The following MYO19 variants were observed in gnomAD, a reference collection of about 807,000 sequenced individuals.
The protein encoded by MYO19 is myosin XIX, also known as unconventional myosin-XIX.
A neutral mutation model predicts 129.2 loss-of-function variants in MYO19; 132 were observed. The observed-to-expected ratio is 1.02, with a 90% confidence interval of 0.89 to 1.18. The LOEUF is 1.18. MYO19 is among the 50% of genes most tolerant of loss of function. The pLI is 0.00. For synonymous variants in MYO19, 531 were observed against 477.2 expected, an observed-to-expected ratio of 1.11 and a Z score of -1.47; for missense variants, 1,210 against 1,216.7, an observed-to-expected ratio of 0.99 and a Z score of 0.08.
At chr17:36,507,601 G>T in intron 15 of MYO19, 89 bp from the exon 16 acceptor site, 1 of 1,410,114 alleles carries the variant, frequency 7.1e-7, no homozygotes, top group Non-Finnish European at 1.0e-6. Flanking sequence ...GTACCACAGC[G>T]TATTCCAGAA....
upstream of MYO19, chr17:36,537,673 T>C: frequency 2.3e-5 from 37 of 1,614,166 alleles, no homozygotes; most frequent in African/African-American, 2.7e-5. Flanking sequence ...AGAAAATATA[T>C]GGAAGGGTCC....
intron 1 of MYO19, 110 bp from the exon 2 acceptor site, chr17:36,534,214 G>A (rs756069079): frequency 1.3e-5 from 2 of 152,372 alleles, no homozygotes; most frequent in African/African-American, 4.8e-5. Context: ...AGGCATGGAG[G>A]ACAGTGGGAG....
At chr17:36,526,061 C>G (rs1462644598) in intron 5 of MYO19, among the ~76,000 whole-genome samples, 1 of 152,162 alleles carries the variant, frequency 6.6e-6, no homozygotes, top group African/African-American at 2.4e-5. Context: ...ATCACTTACC[C>G]ACAGCTTGCT....
At chr17:36,517,352 G>A (rs539589394) in intron 6 of MYO19, among the ~76,000 whole-genome samples, 15 of 152,168 alleles carry the variant, frequency 9.9e-5, no homozygotes, top group Middle Eastern at 3.4e-3. Context: ...CTCTGCCTCC[G>A]GGGTTCAAGT....
intron 9 of MYO19, 145 bp downstream of exon 9, chr17:36,514,301 G>A: frequency 1.5e-6 from 1 of 650,954 alleles, no homozygotes; most frequent in Non-Finnish European, 2.8e-6. Context: ...AGTGCTGCAT[G>A]TAAAGTCTGC....
chr17:36,541,014 A>C (rs1001333995), intron 2 of MYO19, among the ~76,000 whole-genome samples: 4 of 151,780 alleles, frequency 2.6e-5, no homozygotes, highest in African/African-American at 9.7e-5. Context: ...TTTGAGGCGC[A>C]GTCTTGCTCT....
At chr17:36,515,355 G>T (rs1007602306) in intron 7 of MYO19, among the ~76,000 whole-genome samples, 173 bp from the exon 8 acceptor site, 1 of 152,138 alleles carries the variant, frequency 6.6e-6, no homozygotes, top group Non-Finnish European at 1.5e-5. Context: ...TCATGCTTTA[G>T]CAAGTGGGAT....
At chr17:36,504,667 C>G (rs2142881070) in intron 19 of MYO19, 1 of 160,898 alleles carries the variant, frequency 6.2e-6, no homozygotes, top group Admixed American at 5.9e-5. Context: ...AATCCCAGCA[C>G]TTTGGGAGGC....
intron 19 of MYO19, chr17:36,505,044 A>T (rs2071783275): frequency 1.4e-6 from 1 of 706,302 alleles, no homozygotes; most frequent in African/African-American, 1.7e-5. Context: ...TCAGTCTCTC[A>T]TCAGGGTACA....
intron 3 of MYO19, 27 bp downstream of exon 3, chr17:36,532,500 C>G: frequency 6.4e-7 from 1 of 1,553,716 alleles, no homozygotes; most frequent in Non-Finnish European, 8.7e-7. Context: ...GCTTGAGGGC[C>G]TGGGTTATCT....
chr17:36,510,979 T>C (rs1039811794), intron 12 of MYO19, 62 bp from the exon 13 acceptor site: 3 of 1,496,518 alleles, frequency 2.0e-6, no homozygotes, highest in East Asian at 2.5e-5. Flanking sequence ...CACGAGGCAC[T>C]GTGAAGTCAT....
Position 36,507,389 on chromosome 17 carries a change from A to G in MYO19, c.1467+10T>C, listed in dbSNP as rs1300544742. 3.1e-6 allele frequency: 5 copies of G among 1,609,956 alleles called. 1 individual carries two copies. The South Asian group carries it at 3.3e-5, about 11-fold the overall frequency. On this transcript the variant is annotated intron_variant, in intron 16 of 25. Transcript: ENST00000614623. ...ACTCTGGTGCTCGGCTCATTAGCTG[A>G]CCTCCCCACCTCATTTATGAGGGAG...
upstream of MYO19, among the ~76,000 whole-genome samples, chr17:36,544,550 G>C (rs1599485603): frequency 6.6e-6 from 1 of 152,202 alleles, no homozygotes; most frequent in Non-Finnish European, 1.5e-5. Context: ...GAATCAGACG[G>C]GCTTGACTCG....
At position 36,515,893 on chromosome 17, in the gene MYO19, C is replaced by T. The variant is rs766570273; in HGVS notation, c.512G>A (p.Arg171Lys). Reference sequence around the variant, plus strand: ...CATGACAGGGTTGGAGTTCAGGATCCTCTGTTCTATCCTCTCTGCAATCTT... The same window carrying T: ...CATGACAGGGTTGGAGTTCAGGATCTTCTGTTCTATCCTCTCTGCAATCTT... ...SHKIAERIEQ[R>K]ILNSNPVMEA... The change falls in exon 7 of 26, where the codon AGG becomes AAG. Residue 171 changes from arginine to lysine, a missense_variant. Arg to Lys is a conservative substitution (Grantham distance 26, BLOSUM62 2). Coordinates refer to ENST00000614623, the MANE Select transcript of MYO19 (RefSeq NM_001163735.2). The T allele has an allele frequency of 2.5e-6, 4 of 1,613,690 alleles. No homozygotes were observed. Among genetic ancestry groups the T allele is most frequent in the Non-Finnish European group, 3.4e-6 (4 of 1,179,630 alleles).
At position 36,514,601 on chromosome 17, in the gene MYO19, T is replaced by C. The variant is rs374940097; in HGVS notation, c.618-53A>G. The C allele has an allele frequency of 3.0e-4, 372 of 1,231,894 alleles. No homozygotes were observed. In the African/African-American group the frequency reaches 5.2e-3, roughly 17 times the overall value. The allele number at this position is 1,231,894 out of a possible 1,614,324, so 76.3% of individuals were successfully genotyped here. On this transcript the variant is annotated intron_variant, in intron 8 of 25. Transcript: ENST00000614623. Reference sequence around the variant, plus strand: ...TAGTTGCCCATTCATTCCATAGCCATGTCTGGCAATCTGGGTGTGCCAGAT... The same window carrying C: ...TAGTTGCCCATTCATTCCATAGCCACGTCTGGCAATCTGGGTGTGCCAGAT...
intron 11 of MYO19, chr17:36,513,097 C>T: frequency 7.5e-7 from 1 of 1,331,734 alleles, no homozygotes; most frequent in Non-Finnish European, 9.6e-7. Context: ...GTGAACATGA[C>T]TTGTAAGTTT....
intron 6 of MYO19, among the ~76,000 whole-genome samples, chr17:36,519,339 C>T (rs1309882455): frequency 6.6e-6 from 1 of 152,224 alleles, no homozygotes; most frequent in African/African-American, 2.4e-5. Flanking sequence ...CTCATCTTAT[C>T]CTTAGCAACA....
rs1410546745 is a variant in MYO19, at chr17:36,496,300, C to T, written c.2864G>A (p.Arg955Lys). 8.1e-6 allele frequency: 13 copies of T among 1,614,048 alleles called. No homozygotes were observed. The highest frequency in any genetic ancestry group is 1.0e-5 in the Non-Finnish European group (12 of 1,179,900). Residue 955 changes from arginine (R) to lysine (K), a missense_variant, in exon 26 of 26, where the codon AGA (arginine) becomes AAA (lysine). By Grantham distance (26) the Arg-to-Lys change is conservative. Coordinates refer to ENST00000614623, the MANE Select transcript of MYO19 (RefSeq NM_001163735.2). ...AGAGGTCACGTGGATCAGCCTGTGT[C>T]TTTCCAGCAGAATCTGATTAAAGCC... ...ITGFNQILLE[R>K]HRLIHVTSSA...
rs201487580 is a variant in MYO19, at chr17:36,513,630, T to G, written c.816A>C (p.Glu272Asp). Residue 272 changes from glutamate (E) to aspartate (D), a missense_variant and splice_region_variant, in exon 10 of 26, where the codon GAA becomes GAC. Coordinates refer to ENST00000614623, the MANE Select transcript of MYO19 (RefSeq NM_001163735.2). ...GGTGCTGGATGGGGCTCCCCTTACCTTCTAAGCTCCTCTCTGGGTTGGGCA... is the reference window on the plus strand; with the variant it reads ...GGTGCTGGATGGGGCTCCCCTTACCGTCTAAGCTCCTCTCTGGGTTGGGCA... Reference protein sequence around the residue: ...SWLPNPERSLEEDCFEVTREA... With the variant: ...SWLPNPERSLDEDCFEVTREA... 14 of 1,614,000 alleles carry G rather than the reference T, an allele frequency of 8.7e-6. No individual in the cohort carries two copies. The African/African-American group carries it at 1.5e-4, about 17-fold the overall frequency.
Sources: gnomAD v4.1 joint callset for allele counts (sites outside exome capture counted in the v4.1 genomes callset) on GRCh38, gnomAD v4.1.1 for gene constraint, MANE v1.5 for transcripts, NCBI Gene and HGNC (gene_info 2026-07-23, HGNC 2026-07-21) for gene names.